BTBD9: variants seen among roughly 807,000 people sequenced by gnomAD.
BTBD9 encodes the protein BTB domain containing 9, also known as BTB/POZ domain-containing protein 9.
Under a neutral mutation model 64.3 loss-of-function variants are expected in BTBD9, and 49 were observed. That is an observed-to-expected ratio of 0.76 (90% CI 0.61 to 0.97). The LOEUF (loss-of-function observed/expected upper bound fraction) is 0.97. Ranked by LOEUF, BTBD9 falls within the 50% of genes least tolerant of loss-of-function variation. The pLI is 0.00. For missense variants in BTBD9, 598 were observed against 762.1 expected, an observed-to-expected ratio of 0.78 and a Z score of 2.53; for synonymous variants, 260 against 274.7, an observed-to-expected ratio of 0.95 and a Z score of 0.53.
intron 10 of BTBD9, among the ~76,000 whole-genome samples, chr6:38,176,529 C>T (rs1449566284): frequency 2.6e-5 from 4 of 152,192 alleles, no homozygotes; most frequent in East Asian, 3.9e-4. Context: ...CACTGCCTCA[C>T]GGCTGAAGCT....
intron 6 of BTBD9, among the ~76,000 whole-genome samples, chr6:38,417,683 G>C (rs1323043536): frequency 1.3e-5 from 2 of 151,960 alleles, no homozygotes; most frequent in Non-Finnish European, 2.9e-5. Flanking sequence ...TGAGGTGGGA[G>C]GATCACTGGA....
chr6:38,470,155 A>C (rs1316892609), intron 6 of BTBD9, among the ~76,000 whole-genome samples: 2 of 152,236 alleles, frequency 1.3e-5, no homozygotes, highest in Admixed American at 1.3e-4. Context: ...TGTTGCCAGT[A>C]ATCTTTAAGG....
intron 1 of BTBD9, among the ~76,000 whole-genome samples, chr6:38,632,794 T>C (rs1781710): frequency 0.083 from 12,611 of 151,964 alleles, 1,356 homozygotes; most frequent in African/African-American, 0.25. Context: ...TAGCCAGGCA[T>C]GGTGGCATGC....
chr6:38,505,661 G>C (rs914765988), intron 6 of BTBD9, among the ~76,000 whole-genome samples: 5 of 151,008 alleles, frequency 3.3e-5, no homozygotes, highest in African/African-American at 1.2e-4. Flanking sequence ...CTGAATTTCA[G>C]TATATATAAA....
chr6:38,428,714 TC>T, intron 6 of BTBD9, among the ~76,000 whole-genome samples: 1 of 150,614 alleles, frequency 6.6e-6, no homozygotes, highest in Non-Finnish European at 1.5e-5. Flanking sequence ...TTTCGTTTTT[TC>T]TTTTTTTTTT....
intron 7 of BTBD9, among the ~76,000 whole-genome samples, chr6:38,314,950 C>T (rs528253879): frequency 2.6e-4 from 39 of 152,236 alleles, no homozygotes; most frequent in South Asian, 1.2e-3. Flanking sequence ...CCCGGGTTCA[C>T]GCTATTCTCC....
At chr6:38,276,364 G>A (rs1761250115) in intron 8 of BTBD9, among the ~76,000 whole-genome samples, 1 of 143,442 alleles carries the variant, frequency 7.0e-6, no homozygotes, top group African/African-American at 2.5e-5. Context: ...GGGGGGAGGG[G>A]GGAGGGATAG....
chr6:38,412,893 C>T (rs1331805102), intron 6 of BTBD9, among the ~76,000 whole-genome samples: 4 of 151,808 alleles, frequency 2.6e-5, no homozygotes, highest in South Asian at 2.1e-4. Context: ...ACAAAACAGT[C>T]GGAAATTTTG....
intron 9 of BTBD9, among the ~76,000 whole-genome samples, chr6:38,210,535 T>G (rs1762793789): frequency 2.3e-5 from 2 of 88,330 alleles, no homozygotes; most frequent in South Asian, 4.9e-4. Context: ...AGTGCGTGTG[T>G]TTGTGTGTGT....
chr6:38,183,188 G>T (rs1165671075), intron 10 of BTBD9, among the ~76,000 whole-genome samples: 1 of 152,282 alleles, frequency 6.6e-6, no homozygotes, highest in African/African-American at 2.4e-5. Context: ...CACCGTGTTA[G>T]CCAGGATGGT....
intron 6 of BTBD9, among the ~76,000 whole-genome samples, chr6:38,544,264 C>T (rs1475436575): frequency 6.6e-6 from 1 of 152,042 alleles, no homozygotes; most frequent in East Asian, 1.9e-4. Context: ...AATTACTATA[C>T]CATTTTATAT....
At chr6:38,239,989 T>C (rs1473798535) in intron 9 of BTBD9, among the ~76,000 whole-genome samples, 1 of 152,226 alleles carries the variant, frequency 6.6e-6, no homozygotes, top group Non-Finnish European at 1.5e-5. Context: ...AGCCTCCCGA[T>C]AGCCAAGGTT....
intron 6 of BTBD9, among the ~76,000 whole-genome samples, chr6:38,393,111 GGTGATCCGTCC>G (rs1766508300): frequency 2.0e-5 from 3 of 152,090 alleles, no homozygotes; most frequent in Admixed American, 1.3e-4. Context: ...CCTAACCTCA[GGTGATCCGTCC>G]ACCTCAGGTG....
intron 6 of BTBD9, chr6:38,481,777 A>AC (rs1771158461): frequency 6.6e-6 from 1 of 152,262 alleles, no homozygotes; most frequent in African/African-American, 2.4e-5. Flanking sequence ...TGCAGTGAGG[A>AC]CTTACAAAGG....
intron 7 of BTBD9, among the ~76,000 whole-genome samples, chr6:38,301,351 G>T (rs576448562): frequency 9.9e-4 from 151 of 152,266 alleles, no homozygotes; most frequent in African/African-American, 3.4e-3. Context: ...CCAGGCTTTG[G>T]TATCAGGATG....
intron 6 of BTBD9, among the ~76,000 whole-genome samples, chr6:38,355,037 T>A (rs1168052899): frequency 2.0e-5 from 3 of 152,162 alleles, no homozygotes; most frequent in Admixed American, 6.6e-5. Context: ...GCATGACCAA[T>A]TTCACTGTGG....
intron 6 of BTBD9, among the ~76,000 whole-genome samples, chr6:38,527,263 CAAAAAAAAAAAAA>C (rs55979438): frequency 7.1e-4 from 38 of 53,338 alleles, no homozygotes; most frequent in Non-Finnish European, 9.7e-4. Context: ...GACTCTGTCT[CAAAAAAAAAAAAA>C]AAAAAAAAAA....
rs371599978 is a variant in BTBD9, at chr6:38,275,838, C to T, written c.1454+12434G>A. ...AGTTAGAATGGCGATCATTAAAAAGCCAGGAAACAACAGGTGCTGGAGAGG... is the reference window on the plus strand; with the variant it reads ...AGTTAGAATGGCGATCATTAAAAAGTCAGGAAACAACAGGTGCTGGAGAGG... On this transcript the variant is annotated intron_variant, in intron 8 of 10. Coordinates refer to ENST00000481247, the MANE Select transcript of BTBD9 (RefSeq NM_001099272.2). 1.3e-3 allele frequency among the ~76,000 whole-genome samples: 197 copies of T among 151,868 alleles called. 1 individual carries two copies. The East Asian group carries it at 0.025, about 20-fold the overall frequency.
intron 6 of BTBD9, among the ~76,000 whole-genome samples, chr6:38,457,963 G>A (rs1385743979): frequency 6.6e-6 from 1 of 152,084 alleles, no homozygotes; most frequent in East Asian, 1.9e-4. Flanking sequence ...GATATGTAAG[G>A]GAAGATGATA....
Sources: allele counts gnomAD v4.1 joint callset (sites outside exome capture counted in the v4.1 genomes callset), GRCh38; gene constraint gnomAD v4.1.1; transcripts MANE v1.5; gene names NCBI Gene and HGNC (gene_info 2026-07-23, HGNC 2026-07-21).